The following VAPB variants were observed in gnomAD, a reference collection of about 807,000 sequenced individuals.
VAPB encodes the protein VAMP associated protein B and C.
In VAPB, 7 loss-of-function variants were observed where a neutral mutation model predicts 25.6. The ratio of observed to expected loss-of-function variants is 0.27; its 90% CI spans 0.16 to 0.51. The LOEUF (loss-of-function observed/expected upper bound fraction) is 0.51, where lower values mean the gene tolerates loss of function less well. VAPB is among the 20% of genes least tolerant of loss of function. VAPB has a pLI of 0.97. For synonymous variants in VAPB, 112 were observed against 109.2 expected, an observed-to-expected ratio of 1.03 and a Z score of -0.16; for missense variants, 266 against 301.3, an observed-to-expected ratio of 0.88 and a Z score of 0.87.
chr20:58,413,686 C>T (rs62433425), intron 1 of VAPB, among the ~76,000 whole-genome samples: 2 of 151,902 alleles, frequency 1.3e-5, no homozygotes, highest in Non-Finnish European at 2.9e-5. Context: ...GGGTGGTGGC[C>T]AGGCAGAGGG....
At chr20:58,395,404 C>G (rs1181314615) in intron 1 of VAPB, among the ~76,000 whole-genome samples, 1 of 152,238 alleles carries the variant, frequency 6.6e-6, no homozygotes, top group East Asian at 1.9e-4. Context: ...CCACCTCGGC[C>G]TCCCAAAGTG....
chr20:58,391,363 A>G (rs1274184664), intron 1 of VAPB, among the ~76,000 whole-genome samples: 1 of 151,856 alleles, frequency 6.6e-6, no homozygotes, highest in Non-Finnish European at 1.5e-5. Context: ...AGAGTGCTCC[A>G]GGAGCATTGA....
intron 1 of VAPB, among the ~76,000 whole-genome samples, chr20:58,395,747 A>G (rs1004258349): frequency 6.6e-6 from 1 of 152,160 alleles, no homozygotes; most frequent in Non-Finnish European, 1.5e-5. Flanking sequence ...TTATCAGCAT[A>G]GCATATCCAG....
intron 2 of VAPB, among the ~76,000 whole-genome samples, chr20:58,426,502 C>CTTTGATG (rs1176058134): frequency 3.3e-5 from 5 of 152,074 alleles, no homozygotes; most frequent in Non-Finnish European, 7.4e-5. Context: ...GATAGGAGAG[C>CTTTGATG]ATCACTGGGT....
rs910977258 is a variant in VAPB, at chr20:58,446,090, C to T, written c.*1855C>T. On this transcript the variant is annotated 3_prime_UTR_variant, in exon 6 of 6. Coordinates refer to ENST00000475243, the MANE Select transcript of VAPB (RefSeq NM_004738.5). ...TTCATGAAAAAAGTTGACTTTGAAT[C>T]CCAGGTACTCACAGAAATGGTGAAC... 32 of 453,900 alleles carry T rather than the reference C, an allele frequency of 7.1e-5. No homozygotes were observed. Among genetic ancestry groups the T allele is most frequent in the Non-Finnish European group, 1.4e-4 (31 of 226,788 alleles). 28.1% of individuals were successfully genotyped at this position (453,900 alleles called of 1,614,324 possible).
rs1989282203 is a variant in VAPB at position 58,445,986 on chromosome 20, G to C, written c.*1751G>C. 4.4e-6 allele frequency: 2 copies of C among 453,948 alleles called. No individual in the cohort carries two copies. Among genetic ancestry groups the C allele is most frequent in the Admixed American group, 4.7e-5 (2 of 42,542 alleles). The allele number at this position is 453,948 out of a possible 1,614,324, so 28.1% of individuals were successfully genotyped here. On this transcript the variant is annotated 3_prime_UTR_variant, in exon 6 of 6. Transcript: ENST00000475243. The stretch of plus-strand genomic sequence containing the variant: ...TTGAGCCACGTTGCTCCTAAGCCTG[G>C]CTCTGTCAAGCTGGGTCAGGGGCCT...
chr20:58,423,564 C>T (rs1988721713), intron 2 of VAPB, among the ~76,000 whole-genome samples: 1 of 151,452 alleles, frequency 6.6e-6, no homozygotes, highest in South Asian at 2.1e-4. Context: ...ATTTCCCTGA[C>T]TCAGTTTAAT....
rs1315548059 is a variant in VAPB at position 58,438,993 on chromosome 20, G to A, written c.364G>A (p.Val122Met). Reference sequence around the variant, plus strand: ...CCTTATGGATTCAAAACTTAGATGTGTGTTTGAATTGCCAGCAGAGAATGA... The same window carrying A: ...CCTTATGGATTCAAAACTTAGATGTATGTTTGAATTGCCAGCAGAGAATGA... ...EDLMDSKLRC[V>M]FELPAENDKP... is the part of the protein sequence containing the mutation. The change falls in exon 4 of 6, where the codon GTG (valine) becomes ATG (methionine). Residue 122 changes from valine to methionine, a missense_variant. Physicochemically the swap from Val to Met is conservative, Grantham distance 21. Transcript: ENST00000475243. 6.2e-7 allele frequency: 1 copy of A among 1,613,930 alleles called. No homozygotes were observed. The highest frequency in any genetic ancestry group is 8.5e-7 in the Non-Finnish European group (1 of 1,179,986).
intron 1 of VAPB, among the ~76,000 whole-genome samples, chr20:58,404,869 C>T (rs1479016187): frequency 3.3e-5 from 5 of 151,928 alleles, no homozygotes; most frequent in South Asian, 2.1e-4. Flanking sequence ...AGCTTGAGAG[C>T]CTAGCACAGC....
In VAPB at chr20:58,444,791, C is replaced by T. The variant is rs547907972; in HGVS notation, c.*556C>T. 2.0e-5 allele frequency: 9 copies of T among 454,544 alleles called. No homozygotes were observed. Among genetic ancestry groups the T allele is most frequent in the Admixed American group, 1.2e-4 (5 of 42,570 alleles). The allele number at this position is 454,544 out of a possible 1,614,324, so 28.2% of individuals were successfully genotyped here. A position where few individuals can be genotyped will look rare whatever the true frequency, so the allele number is the denominator to read the frequency against. ...GGAATTGCACTGTGGCAGCATCAGA[C>T]GTACTCGTCATAAGTGAGAGGCGTG... On this transcript the variant is annotated 3_prime_UTR_variant, in exon 6 of 6. Transcript: ENST00000475243.
At chr20:58,431,661 C>T (rs1045962128) in intron 2 of VAPB, 8 of 151,984 alleles carry the variant, frequency 5.3e-5, no homozygotes, top group Admixed American at 2.0e-4. Context: ...GCCTCCATCT[C>T]CCAGGCCTAA....
At position 58,445,750 on chromosome 20, in the gene VAPB, A is replaced by T. The variant is rs1002925255; in HGVS notation, c.*1515A>T. 1 of 452,942 alleles carries T rather than the reference A, an allele frequency of 2.2e-6. No homozygotes were observed. Among genetic ancestry groups the T allele is most frequent in the Admixed American group, 2.4e-5 (1 of 42,398 alleles). The allele number at this position is 452,942 out of a possible 1,614,324, so 28.1% of individuals were successfully genotyped here. On this transcript the variant is annotated 3_prime_UTR_variant, in exon 6 of 6. Transcript: ENST00000475243. ...TTTTTTTTGGTTGTCTTCAGCTGAC[A>T]GTATGAAAAATGAAACTGCTGAAAA...
In VAPB at chr20:58,389,456, G is replaced by A. The variant is rs1987728102; in HGVS notation, c.-4G>A. On this transcript the variant is annotated 5_prime_UTR_variant, in exon 1 of 6. Coordinates refer to ENST00000475243, the MANE Select transcript of VAPB (RefSeq NM_004738.5). Reference sequence around the variant, plus strand: ...CCGCCAAAGGTGCTCCGCCGCTAAGGAACATGGCGAAGGTGGAGCAGGTCC... The same window carrying A: ...CCGCCAAAGGTGCTCCGCCGCTAAGAAACATGGCGAAGGTGGAGCAGGTCC... 4 of 1,594,302 alleles carry A rather than the reference G, an allele frequency of 2.5e-6. No homozygotes were observed. The South Asian group carries it at 3.4e-5, about 14-fold the overall frequency.
At chr20:58,423,412 C>CAA (rs1988711410) in intron 2 of VAPB, among the ~76,000 whole-genome samples, 1 of 12,382 alleles carries the variant, frequency 8.1e-5, no homozygotes, top group Non-Finnish European at 1.6e-4. Flanking sequence ...AACTCCATCT[C>CAA]ACAAAAAAAA....
At position 58,448,473 on chromosome 20, in the gene VAPB, G is replaced by A. The variant is rs544865653; in HGVS notation, c.*4238G>A. ...GAACTTAATCCTTGCAACTGTGACT[G>A]GGGGGTAGATGGCTCTGTTTGCATA... On this transcript the variant is annotated 3_prime_UTR_variant, in exon 6 of 6. Coordinates refer to ENST00000475243, the MANE Select transcript of VAPB (RefSeq NM_004738.5). 1 of 454,082 alleles carries A rather than the reference G, an allele frequency of 2.2e-6. No individual in the cohort carries two copies. The highest frequency in any genetic ancestry group is 4.4e-6 in the Non-Finnish European group (1 of 226,778). 28.1% of individuals were successfully genotyped at this position (454,082 alleles called of 1,614,324 possible). A position where few individuals can be genotyped will look rare whatever the true frequency, so the allele number is the denominator to read the frequency against.
At chr20:58,398,684 G>A (rs1220693047) in intron 1 of VAPB, among the ~76,000 whole-genome samples, 1 of 152,178 alleles carries the variant, frequency 6.6e-6, no homozygotes, top group African/African-American at 2.4e-5. Context: ...GTGACTTGGC[G>A]AGCTTACACT....
intron 1 of VAPB, among the ~76,000 whole-genome samples, chr20:58,402,810 G>A (rs1988131445): frequency 6.6e-6 from 1 of 152,140 alleles, no homozygotes; most frequent in East Asian, 1.9e-4. Context: ...TTTGAGATGA[G>A]CCTGGGCAAT....
At position 58,389,408 on chromosome 20, in the gene VAPB, C is replaced by G. The variant is rs1987725188; in HGVS notation, c.-52C>G. ...GGGCGCAGCATTAACGCTTCCCGCC[C>G]CGGTGACCTCTCAGGGGTCTCCCCG... On this transcript the variant is annotated 5_prime_UTR_variant, in exon 1 of 6. Coordinates refer to ENST00000475243, the MANE Select transcript of VAPB (RefSeq NM_004738.5). 1 of 1,555,812 alleles carries G rather than the reference C, an allele frequency of 6.4e-7. No individual in the cohort carries two copies. Among genetic ancestry groups the G allele is most frequent in the South Asian group, 1.2e-5 (1 of 84,216 alleles).
chr20:58,395,072 A>G (rs569972259), intron 1 of VAPB, among the ~76,000 whole-genome samples: 2 of 152,200 alleles, frequency 1.3e-5, no homozygotes, highest in African/African-American at 4.8e-5. Context: ...TATATTGGTT[A>G]TCACTCAAAT....
Sources: allele counts gnomAD v4.1 joint callset (sites outside exome capture counted in the v4.1 genomes callset), GRCh38; gene constraint gnomAD v4.1.1; transcripts MANE v1.5; gene names NCBI Gene and HGNC (gene_info 2026-07-23, HGNC 2026-07-21).